The following MECOM variants were observed in gnomAD, a reference collection of about 807,000 sequenced individuals.
MECOM encodes MDS1 and EVI1 complex locus.
MECOM carries 13 observed loss-of-function variants against 116.3 expected under a neutral mutation model. The observed-to-expected ratio is 0.11, with a 90% CI of 0.07 to 0.18. The LOEUF is 0.18. Ranked by LOEUF, MECOM falls within the 10% of genes least tolerant of loss-of-function variation. The pLI, the probability that MECOM is intolerant of heterozygous loss-of-function variation, is 1.00. For missense variants in MECOM, 1,299 were observed against 1,509.0 expected (o/e 0.86, Z 2.31); for synonymous variants, 528 against 535.2 (o/e 0.99, Z 0.19).
At chr3:169,320,180 T>A (rs1249028091) in intron 2 of MECOM, among the ~76,000 whole-genome samples, 1 of 152,122 alleles carries the variant, frequency 6.6e-6, no homozygotes, top group African/African-American at 2.4e-5. Flanking sequence ...GCCTGTTAGG[T>A]CTTTTTAGGA....
chr3:169,394,833 T>C (rs1734773634), intron 1 of MECOM, among the ~76,000 whole-genome samples: 1 of 152,192 alleles, frequency 6.6e-6, no homozygotes, highest in Non-Finnish European at 1.5e-5. Flanking sequence ...AAAGGATTTA[T>C]GAATTTTTAA....
chr3:169,179,744 A>G (rs904592565), intron 2 of MECOM, among the ~76,000 whole-genome samples: 2 of 152,312 alleles, frequency 1.3e-5, no homozygotes, highest in East Asian at 3.9e-4. Context: ...CTTCATGAAT[A>G]CCTTGCTTCT....
intron 2 of MECOM, among the ~76,000 whole-genome samples, chr3:169,161,535 A>G (rs1261303511): frequency 2.0e-5 from 3 of 152,202 alleles, no homozygotes; most frequent in African/African-American, 7.2e-5. Context: ...CCATTCACTC[A>G]TTTATCCTCT....
chr3:169,178,996 ATATT>A (rs1745587870), intron 2 of MECOM, among the ~76,000 whole-genome samples: 1 of 152,204 alleles, frequency 6.6e-6, no homozygotes. Flanking sequence ...TACGCCCACA[ATATT>A]TATTTAACAG....
chr3:169,372,154 A>G (rs1730247328), intron 2 of MECOM, among the ~76,000 whole-genome samples: 1 of 152,022 alleles, frequency 6.6e-6, no homozygotes, highest in Non-Finnish European at 1.5e-5. Flanking sequence ...ATTATGTTCT[A>G]TGTGTAAATG....
chr3:169,585,590 T>C (rs1009430328), intron 1 of MECOM, among the ~76,000 whole-genome samples: 5 of 152,220 alleles, frequency 3.3e-5, no homozygotes, highest in African/African-American at 1.2e-4. Context: ...ACCAGGTCTA[T>C]AGACACCTAT....
intron 1 of MECOM, among the ~76,000 whole-genome samples, chr3:169,636,872 A>AG (rs1772837967): frequency 6.6e-6 from 1 of 152,174 alleles, no homozygotes; most frequent in Admixed American, 6.5e-5. Context: ...GAGCAAACCT[A>AG]GCCTAACACT....
At chr3:169,397,548 C>T (rs1735200689) in intron 1 of MECOM, among the ~76,000 whole-genome samples, 1 of 152,194 alleles carries the variant, frequency 6.6e-6, no homozygotes, top group Non-Finnish European at 1.5e-5. Flanking sequence ...CTTTGAAACA[C>T]CTGGCAAAGA....
intron 8 of MECOM, among the ~76,000 whole-genome samples, chr3:169,113,227 G>T (rs1324692960): frequency 6.6e-6 from 1 of 151,930 alleles, no homozygotes; most frequent in African/African-American, 2.4e-5. Flanking sequence ...GAAATCATGA[G>T]GTCAAGGCTG....
intron 2 of MECOM, among the ~76,000 whole-genome samples, chr3:169,169,862 G>T (rs951551543): frequency 9.4e-5 from 14 of 149,114 alleles, no homozygotes; most frequent in Non-Finnish European, 5.9e-5. Context: ...CCATGGGAAA[G>T]AAGCAAATAC....
At chr3:169,458,587 A>C (rs1171100954) in intron 1 of MECOM, among the ~76,000 whole-genome samples, 1 of 152,216 alleles carries the variant, frequency 6.6e-6, no homozygotes, top group Non-Finnish European at 1.5e-5. Context: ...GGGTGCACTC[A>C]CATTTAGAAA....
intron 2 of MECOM, among the ~76,000 whole-genome samples, chr3:169,176,346 G>C (rs905287550): frequency 6.6e-6 from 1 of 152,088 alleles, no homozygotes; most frequent in Non-Finnish European, 1.5e-5. Context: ...GGTAGGCATT[G>C]ACAAAAACAA....
chr3:169,349,587 C>T (rs757734533), intron 2 of MECOM, among the ~76,000 whole-genome samples: 3 of 151,876 alleles, frequency 2.0e-5, no homozygotes, highest in Non-Finnish European at 2.9e-5. Flanking sequence ...CACCTCATTT[C>T]ATTTGGGAAT....
At chr3:169,362,322 C>T (rs1045271651) in intron 2 of MECOM, among the ~76,000 whole-genome samples, 6 of 151,782 alleles carry the variant, frequency 4.0e-5, no homozygotes, top group African/African-American at 7.3e-5. Context: ...AGACAGAATT[C>T]GAAGACTCAT....
chr3:169,649,872 A>G (rs1051102620), intron 1 of MECOM, among the ~76,000 whole-genome samples: 1 of 152,234 alleles, frequency 6.6e-6, no homozygotes, highest in Non-Finnish European at 1.5e-5. Context: ...TCCAATCTAA[A>G]ATGTCCAATA....
At chr3:169,525,766 C>T (rs913008970) in intron 1 of MECOM, among the ~76,000 whole-genome samples, 3 of 152,198 alleles carry the variant, frequency 2.0e-5, no homozygotes, top group Admixed American at 6.5e-5. Context: ...TGATGGCTCA[C>T]GCCTGTAATC....
At chr3:169,228,671 C>T (rs888678070) in intron 2 of MECOM, among the ~76,000 whole-genome samples, 2 of 152,186 alleles carry the variant, frequency 1.3e-5, no homozygotes, top group African/African-American at 2.4e-5. Flanking sequence ...CCCCTTCCAA[C>T]GTAAGTCACT....
At chr3:169,420,857 G>T (rs1739607701) in intron 1 of MECOM, among the ~76,000 whole-genome samples, 1 of 152,060 alleles carries the variant, frequency 6.6e-6, no homozygotes, top group Admixed American at 6.6e-5. Context: ...AATAAAATAG[G>T]TATGTATAAA....
intron 4 of MECOM, among the ~76,000 whole-genome samples, chr3:169,128,607 G>T (rs936072133): frequency 7.9e-5 from 1 of 12,628 alleles, no homozygotes; most frequent in Non-Finnish European, 2.1e-4. Context: ...CCCTATCTGA[G>T]CCATGTTTAA....
Sources: gnomAD v4.1 joint callset for allele counts (sites outside exome capture counted in the v4.1 genomes callset) on GRCh38, gnomAD v4.1.1 for gene constraint, MANE v1.5 for transcripts, NCBI Gene and HGNC (gene_info 2026-07-23, HGNC 2026-07-21) for gene names.